Variants in FGF14 observed in about 807,000 individuals in gnomAD.
The protein encoded by FGF14 is fibroblast growth factor homologous factor 4.
A neutral mutation model predicts 25.5 loss-of-function variants in FGF14; 5 were observed. The ratio of observed to expected loss-of-function variants is 0.20; its 90% CI spans 0.10 to 0.41. The LOEUF is 0.41. Among genes scored for constraint, FGF14 ranks in the 10% least tolerant of loss-of-function variants. The pLI, the probability that FGF14 is intolerant of heterozygous loss-of-function variation, is 1.00. For synonymous variants in FGF14, 138 were observed against 118.3 expected (o/e 1.17, Z -1.08); for missense variants, 222 against 320.1 (o/e 0.69, Z 2.34).
chr13:101,937,970 G>T (rs914555780), intron 1 of FGF14, among the ~76,000 whole-genome samples: 2 of 152,146 alleles, frequency 1.3e-5, no homozygotes, highest in African/African-American at 4.8e-5. Context: ...TACATTATTT[G>T]AAAATGAACT....
chr13:102,372,695 G>A (rs2057921746), intron 1 of FGF14, among the ~76,000 whole-genome samples: 1 of 151,946 alleles, frequency 6.6e-6, no homozygotes, highest in Admixed American at 6.6e-5. Context: ...TACAGATGAT[G>A]TTCTCTACAG....
chr13:101,897,772 C>A (rs1307535901), intron 1 of FGF14, among the ~76,000 whole-genome samples: 1 of 152,050 alleles, frequency 6.6e-6, no homozygotes, highest in East Asian at 1.9e-4. Context: ...GTTGAGCATT[C>A]CTAATTTAAA....
intron 1 of FGF14, among the ~76,000 whole-genome samples, chr13:101,935,706 G>C (rs1012413638): frequency 1.3e-5 from 2 of 152,082 alleles, no homozygotes; most frequent in Non-Finnish European, 2.9e-5. Flanking sequence ...CCCAGTGTCA[G>C]GTATTTTTTC....
chr13:102,062,092 TAAC>T (rs779546359), intron 1 of FGF14, among the ~76,000 whole-genome samples: 10 of 152,098 alleles, frequency 6.6e-5, no homozygotes, highest in Admixed American at 2.6e-4. Flanking sequence ...GGATAACAGT[TAAC>T]AACAGCAGCA....
chr13:101,722,535 G>A lies in FGF14; in HGVS notation c.*296C>T, dbSNP rs2035063719. 2.3e-6 allele frequency: 1 copy of A among 442,400 alleles called. No individual in the cohort carries two copies. The highest frequency in any genetic ancestry group is 2.1e-5 in the South Asian group (1 of 47,372). 27.4% of individuals were successfully genotyped at this position (442,400 alleles called of 1,614,324 possible). On this transcript the variant is annotated 3_prime_UTR_variant, in exon 5 of 5. Transcript: ENST00000376143. ...CAGGCAAGGTATCGAGTGTACTTGT[G>A]AAGTATGTCATTCACATGAAGTGTC...
chr13:102,155,520 G>C (rs1258903360), intron 1 of FGF14, among the ~76,000 whole-genome samples: 2 of 152,224 alleles, frequency 1.3e-5, no homozygotes, highest in African/African-American at 2.4e-5. Flanking sequence ...GGAGTGTGTA[G>C]AGGGAAATTT....
chr13:101,810,443 A>G (rs924090812), intron 3 of FGF14, among the ~76,000 whole-genome samples: 10 of 152,202 alleles, frequency 6.6e-5, no homozygotes, highest in African/African-American at 2.4e-4. Flanking sequence ...ACCATAATTC[A>G]CATTATACTC....
In FGF14 at chr13:102,394,061, T is replaced by G. The variant is rs527904331; in HGVS notation, c.208+7410A>C. ...ACTCTAATCAATATCCTTCTTGTAG[T>G]AGCCGAGGGGACTGAAGCCCAGAAA... On this transcript the variant is annotated intron_variant, in intron 1 of 4. Coordinates refer to the FGF14 transcript ENST00000376131. Among the ~76,000 whole-genome samples the G allele has an allele frequency of 7.9e-5, 12 of 152,334 alleles. No homozygotes were observed. In the South Asian group the frequency reaches 2.5e-3, roughly 32 times the overall value.
At chr13:101,830,711 GC>G (rs2042628486) in intron 3 of FGF14, among the ~76,000 whole-genome samples, 1 of 151,918 alleles carries the variant, frequency 6.6e-6, no homozygotes, top group African/African-American at 2.4e-5. Context: ...AAGCTTAGGG[GC>G]CTAAAGCAAC....
intron 3 of FGF14, among the ~76,000 whole-genome samples, chr13:101,854,454 G>A (rs2044021474): frequency 6.6e-6 from 1 of 152,118 alleles, no homozygotes; most frequent in Non-Finnish European, 1.5e-5. Flanking sequence ...CTGCAGAGCT[G>A]TTGAAATTCT....
chr13:102,342,034 G>A (rs867552866), intron 1 of FGF14, among the ~76,000 whole-genome samples: 12 of 152,188 alleles, frequency 7.9e-5, no homozygotes, highest in South Asian at 2.1e-4. Context: ...CTTCACTCAC[G>A]CAATCAAAGT....
At chr13:102,192,253 G>T (rs994822593) in intron 1 of FGF14, among the ~76,000 whole-genome samples, 3 of 152,182 alleles carry the variant, frequency 2.0e-5, no homozygotes, top group Non-Finnish European at 2.9e-5. Flanking sequence ...GGTCTTGCAA[G>T]ATCTAAAAGT....
intron 1 of FGF14, among the ~76,000 whole-genome samples, chr13:102,318,295 G>T (rs531708262): frequency 3.2e-4 from 48 of 152,164 alleles, no homozygotes; most frequent in African/African-American, 1.0e-3. Context: ...GCAGCAGGGG[G>T]TCCCAACTGC....
At chr13:102,225,162 A>G (rs2050777652) in intron 1 of FGF14, among the ~76,000 whole-genome samples, 1 of 152,070 alleles carries the variant, frequency 6.6e-6, no homozygotes, top group South Asian at 2.1e-4. Flanking sequence ...CAGAGCTCTG[A>G]AACCTGCTTC....
rs1041056959 is a variant in FGF14, at chr13:102,390,788, T to C, written c.208+10683A>G. Among the ~76,000 whole-genome samples, 4 of 152,182 alleles carry C rather than the reference T, an allele frequency of 2.6e-5. No individual in the cohort carries two copies. The East Asian group carries it at 7.7e-4, about 29-fold the overall frequency. The stretch of plus-strand genomic sequence containing the variant: ...TCAAAATAATTCAGAACATTTCTGT[T>C]AAAGCAAAAGAGTAATATAATTTTA... On this transcript the variant is annotated intron_variant, in intron 1 of 4. Coordinates refer to the FGF14 transcript ENST00000376131.
intron 1 of FGF14, among the ~76,000 whole-genome samples, chr13:102,229,382 G>A (rs1188183936): frequency 6.6e-6 from 1 of 152,184 alleles, no homozygotes; most frequent in Admixed American, 6.6e-5. Context: ...AGCTTAGAAC[G>A]ACTATTATCA....
Position 101,790,543 on chromosome 13 carries a change from T to C in FGF14, c.409-63733A>G, listed in dbSNP as rs536741775. On this transcript the variant is annotated intron_variant, in intron 3 of 4. Coordinates refer to ENST00000376143, the MANE Select transcript of FGF14 (RefSeq NM_004115.4). ...TACCCATTGGGTACTATTTATTTGC[T>C]TTTAACTATCTATGTGTGTCCCATC... is the stretch of plus-strand genomic sequence containing the variant. 8.5e-5 allele frequency among the ~76,000 whole-genome samples: 13 copies of C among 152,258 alleles called. No homozygotes were observed. The South Asian group carries it at 2.7e-3, about 32-fold the overall frequency.
chr13:102,341,295 G>C (rs2056944419), intron 1 of FGF14, among the ~76,000 whole-genome samples: 1 of 152,128 alleles, frequency 6.6e-6, no homozygotes, highest in Admixed American at 6.5e-5. Context: ...AAATAAAAAA[G>C]AAAGAAAAAT....
chr13:101,788,086 T>C (rs1302406030), intron 3 of FGF14, among the ~76,000 whole-genome samples: 1 of 152,148 alleles, frequency 6.6e-6, no homozygotes, highest in African/African-American at 2.4e-5. Flanking sequence ...TTGGTCAGGC[T>C]GGTCTCAAAG....
Sources: allele counts gnomAD v4.1 joint callset (sites outside exome capture counted in the v4.1 genomes callset), GRCh38; gene constraint gnomAD v4.1.1; transcripts MANE v1.5; gene names NCBI Gene and HGNC (gene_info 2026-07-23, HGNC 2026-07-21).